B3GALNT2: variants seen among roughly 807,000 people sequenced by gnomAD.
B3GALNT2 encodes the protein beta-1,3-N-acetylgalactosaminyltransferase 2, also known as UDP-GalNAc:beta-1,3-N-acetylgalactosaminyltransferase 2.
B3GALNT2 carries 53 observed loss-of-function variants against 61.1 expected under a neutral mutation model. That is an observed-to-expected ratio of 0.87 (90% confidence interval 0.70 to 1.09). The LOEUF (loss-of-function observed/expected upper bound fraction) is 1.09. Among genes scored for constraint, B3GALNT2 ranks in the 50% least tolerant of loss-of-function variants. The probability of loss-of-function intolerance (pLI) is 0.00; values close to 1 mark genes in which losing one functional copy is unlikely to be tolerated. For missense variants in B3GALNT2, 544 were observed against 623.0 expected, an observed-to-expected ratio of 0.87 and a Z score of 1.35; for synonymous variants, 223 against 237.4, an observed-to-expected ratio of 0.94 and a Z score of 0.56.
At chr1:235,498,653 C>A (rs1282801732) in intron 1 of B3GALNT2, among the ~76,000 whole-genome samples, 1 of 151,852 alleles carries the variant, frequency 6.6e-6, no homozygotes, top group East Asian at 1.9e-4. Flanking sequence ...CCAGCCTGGC[C>A]AATATGGTGA....
intron 9 of B3GALNT2, among the ~76,000 whole-genome samples, chr1:235,455,345 A>G (rs144002015): frequency 2.6e-5 from 4 of 152,186 alleles, no homozygotes; most frequent in Non-Finnish European, 5.9e-5. Context: ...CTTGGCCTCA[A>G]AGGATCCTCC....
At chr1:235,479,186 A>T (rs1335938886) in intron 5 of B3GALNT2, 1 of 152,214 alleles carries the variant, frequency 6.6e-6, no homozygotes. Flanking sequence ...TGAATGGCAC[A>T]CCACAGAATG....
the B3GALNT2 span, among the ~76,000 whole-genome samples, chr1:235,440,204 T>C: frequency 2.0e-5 from 3 of 152,152 alleles, no homozygotes; most frequent in East Asian, 5.8e-4. Flanking sequence ...TCTCCTGACC[T>C]TGTGATCCAC....
At chr1:235,480,188 T>C (rs201231880) in intron 4 of B3GALNT2, 39 bp from the exon 5 acceptor site, 4 of 1,609,486 alleles carry the variant, frequency 2.5e-6, no homozygotes, top group Admixed American at 1.7e-5. Context: ...AAATACTTCA[T>C]GTTATACATT....
intron 7 of B3GALNT2, 136 bp downstream of exon 7, chr1:235,465,500 A>C: frequency 7.5e-7 from 1 of 1,338,958 alleles, no homozygotes; most frequent in African/African-American, 1.5e-5. Flanking sequence ...AAAACCACTG[A>C]ACCACTTTAA....
intron 1 of B3GALNT2, among the ~76,000 whole-genome samples, chr1:235,498,931 C>T (rs1016574737): frequency 2.0e-5 from 3 of 147,878 alleles, no homozygotes; most frequent in African/African-American, 7.4e-5. Context: ...TTCTGCAGGG[C>T]AATTTGGCAA....
chr1:235,487,887 C>G (rs930125547), intron 3 of B3GALNT2, among the ~76,000 whole-genome samples: 1 of 152,068 alleles, frequency 6.6e-6, no homozygotes, highest in Admixed American at 6.5e-5. Context: ...CTGCTGGACC[C>G]AAGCAGTCCT....
At chr1:235,488,967 T>C (rs1383781570) in intron 3 of B3GALNT2, among the ~76,000 whole-genome samples, 3 of 151,950 alleles carry the variant, frequency 2.0e-5, no homozygotes, top group Non-Finnish European at 4.4e-5. Context: ...GGAGGATCGC[T>C]TGAGCCCCGG....
chr1:235,490,684 GT>G, intron 2 of B3GALNT2, among the ~76,000 whole-genome samples: 1 of 152,126 alleles, frequency 6.6e-6, no homozygotes, highest in East Asian at 1.9e-4. Context: ...TTGTGAGACG[GT>G]TATTAAACAT....
At chr1:235,442,998 T>C, downstream of B3GALNT2, 1 of 1,326,788 alleles carries the variant, frequency 7.5e-7, no homozygotes, top group South Asian at 1.2e-5. Context: ...TTAACTCATG[T>C]CTCAAAGTGT....
Position 235,447,193 on chromosome 1 carries a change from A to AATAC in B3GALNT2, c.*3009_*3012dup, listed in dbSNP as rs1210175869. Among the ~76,000 whole-genome samples the AATAC allele has an allele frequency of 6.6e-6, 1 of 152,234 alleles. No homozygotes were observed. The highest frequency in any genetic ancestry group is 2.4e-5 in the African/African-American group (1 of 41,460). ...ATTATAAATTCTATTAACTGTATTC[A>AATAC]ATACATACAAAAAGGCCAGTTTTTA... On this transcript the variant is annotated 3_prime_UTR_variant, in exon 12 of 12. Coordinates refer to ENST00000366600, the MANE Select transcript of B3GALNT2 (RefSeq NM_152490.5).
At chr1:235,454,396 A>G (rs189839031) in intron 9 of B3GALNT2, 81 bp from the exon 10 acceptor site, 294 of 1,311,164 alleles carry the variant, frequency 2.2e-4, no homozygotes, top group Non-Finnish European at 3.0e-4. Flanking sequence ...CTTTATCATC[A>G]CTACAAAGGA....
chr1:235,467,531 C>T (rs1683762741), intron 6 of B3GALNT2, among the ~76,000 whole-genome samples: 1 of 144,798 alleles, frequency 6.9e-6, no homozygotes, highest in East Asian at 2.0e-4. Flanking sequence ...GTCCCCCAGG[C>T]TGGAGTGCGA....
At position 235,449,921 on chromosome 1, in the gene B3GALNT2, C is replaced by A; in HGVS notation, c.*285G>T. 1 of 275,132 alleles carries A rather than the reference C, an allele frequency of 3.6e-6. No individual in the cohort carries two copies. Among genetic ancestry groups the A allele is most frequent in the Non-Finnish European group, 7.0e-6 (1 of 143,142 alleles). The allele number at this position is 275,132 out of a possible 1,614,324, so 17.0% of individuals were successfully genotyped here. ...GGTGAATTACTAATTAGCCACAATG[C>A]ATCAGGATTTAGAAATATTTTTTCT... is the stretch of plus-strand genomic sequence containing the variant. On this transcript the variant is annotated 3_prime_UTR_variant, in exon 12 of 12. Coordinates refer to ENST00000366600, the MANE Select transcript of B3GALNT2 (RefSeq NM_152490.5).
chr1:235,504,228 ACAGCAGCACCAGCCAGTTTCG>A lies in B3GALNT2; in HGVS notation c.4_24del (p.Arg2_Leu8del). 6.8e-7 allele frequency: 1 copy of A among 1,475,848 alleles called. No individual in the cohort carries two copies. The allele number at this position is 1,475,848 out of a possible 1,614,324, so 91.4% of individuals were successfully genotyped here. ...AGCGCGGCCCCGAGCACACACGGGC[ACAGCAGCACCAGCCAGTTTCG>A]CATTGGCCGCCCCCGCCGCGAGCCG... On this transcript the variant is annotated inframe_deletion, in exon 1 of 12. Coordinates refer to ENST00000366600, the MANE Select transcript of B3GALNT2 (RefSeq NM_152490.5).
At chr1:235,477,838 C>T (rs937386989) in intron 5 of B3GALNT2, among the ~76,000 whole-genome samples, 1 of 152,216 alleles carries the variant, frequency 6.6e-6, no homozygotes, top group Middle Eastern at 3.2e-3. Context: ...ATAATGACAA[C>T]ATCTATTGAT....
chr1:235,444,809 A>G (rs940863397), downstream of B3GALNT2, among the ~76,000 whole-genome samples: 1 of 152,258 alleles, frequency 6.6e-6, no homozygotes, highest in Non-Finnish European at 1.5e-5. Context: ...ACCACTATAG[A>G]GTATTTGCTC....
chr1:235,462,452 A>G (rs140875288), intron 7 of B3GALNT2, among the ~76,000 whole-genome samples: 35 of 152,356 alleles, frequency 2.3e-4, no homozygotes, highest in African/African-American at 8.4e-4. Flanking sequence ...ATGACCTTGC[A>G]TGTAGAAAAT....
Position 235,494,773 on chromosome 1 carries a change from G to A in B3GALNT2, c.168C>T (p.Gly56=), listed in dbSNP as rs1256446851. The change falls in exon 2 of 12, where the codon GGC becomes GGT. Residue 56 remains glycine, a synonymous_variant. Transcript: ENST00000366600. Reference sequence around the variant, plus strand: ...CATGGTTATTGCGAGCTGACAACACGCCAACTACCACATCATAGTGAGTAG... The same window carrying A: ...CATGGTTATTGCGAGCTGACAACACACCAACTACCACATCATAGTGAGTAG... ...WKSTHYDVVV[G]VLSARNNHEL... 11 of 1,611,068 alleles carry A rather than the reference G, an allele frequency of 6.8e-6. No homozygotes were observed. Among genetic ancestry groups the A allele is most frequent in the East Asian group, 2.2e-5 (1 of 44,846 alleles).
Sources: allele counts gnomAD v4.1 joint callset (sites outside exome capture counted in the v4.1 genomes callset), GRCh38; gene constraint gnomAD v4.1.1; transcripts MANE v1.5; gene names NCBI Gene and HGNC (gene_info 2026-07-23, HGNC 2026-07-21).